Variants in COL11A1 observed in about 807,000 individuals in gnomAD.
The protein encoded by COL11A1 is collagen type XI alpha 1 chain.
A neutral mutation model predicts 265.2 loss-of-function variants in COL11A1; 74 were observed. The ratio of observed to expected loss-of-function variants is 0.28; its 90% CI spans 0.23 to 0.34. COL11A1 has a LOEUF of 0.34. COL11A1 is among the 10% of genes least tolerant of loss of function. The pLI, the probability that COL11A1 is intolerant of heterozygous loss-of-function variation, is 1.00. For synonymous variants in COL11A1, 816 were observed against 727.6 expected (o/e 1.12, Z -1.96); for missense variants, 2,165 against 2,263.6 (o/e 0.96, Z 0.88).
chr1:103,073,248 G>T (rs940272382), intron 4 of COL11A1, among the ~76,000 whole-genome samples: 9 of 151,670 alleles, frequency 5.9e-5, no homozygotes, highest in Non-Finnish European at 1.2e-4. Flanking sequence ...AAAAAGGAAA[G>T]AAATTCCACT....
intron 4 of COL11A1, among the ~76,000 whole-genome samples, chr1:103,042,001 C>T (rs922544749): frequency 1.3e-5 from 2 of 151,922 alleles, no homozygotes; most frequent in East Asian, 3.9e-4. Flanking sequence ...TGTATTATAA[C>T]AAGTTAATAG....
intron 41 of COL11A1, among the ~76,000 whole-genome samples, chr1:102,949,475 T>C (rs1659661489): frequency 6.6e-6 from 1 of 152,132 alleles, no homozygotes; most frequent in African/African-American, 2.4e-5. Flanking sequence ...TAGGAAGATA[T>C]CACACTAGGC....
intron 57 of COL11A1, among the ~76,000 whole-genome samples, chr1:102,891,500 A>G (rs1651775740): frequency 6.6e-6 from 1 of 151,990 alleles, no homozygotes; most frequent in Non-Finnish European, 1.5e-5. Flanking sequence ...GCATGACTTT[A>G]GCAACCAACT....
intron 21 of COL11A1, among the ~76,000 whole-genome samples, 165 bp downstream of exon 21, chr1:103,003,050 A>G (rs1665270600): frequency 6.6e-6 from 1 of 152,152 alleles, no homozygotes; most frequent in Admixed American, 6.6e-5. Context: ...AGGAAGATAG[A>G]AGAAAAGGAG....
At chr1:102,918,237 T>C (rs1031856029) in intron 49 of COL11A1, among the ~76,000 whole-genome samples, 18 of 151,778 alleles carry the variant, frequency 1.2e-4, no homozygotes, top group African/African-American at 4.1e-4. Flanking sequence ...CTTGTTTAGG[T>C]ACATATTTTT....
chr1:102,969,335 T>C (rs1393112870), intron 37 of COL11A1, among the ~76,000 whole-genome samples: 2 of 152,302 alleles, frequency 1.3e-5, no homozygotes, highest in South Asian at 4.1e-4. Flanking sequence ...AACTCCAATA[T>C]GTATTCAGGG....
At chr1:103,107,310 C>T (rs373880288) in intron 1 of COL11A1, among the ~76,000 whole-genome samples, 2 of 151,934 alleles carry the variant, frequency 1.3e-5, no homozygotes, top group East Asian at 3.9e-4. Context: ...AGTCCTCCGC[C>T]CCCACCCCAT....
chr1:103,083,175 T>C (rs1419992310), intron 1 of COL11A1, among the ~76,000 whole-genome samples: 1 of 151,826 alleles, frequency 6.6e-6, no homozygotes, highest in East Asian at 1.9e-4. Context: ...AAATTCAAAA[T>C]ATCTCAAATC....
rs541028215 is a variant in COL11A1 at position 103,019,171 on chromosome 1, T to C, written c.1309-312A>G. 4.1e-4 allele frequency among the ~76,000 whole-genome samples: 63 copies of C among 152,298 alleles called. 1 individual carries two copies. Among genetic ancestry groups the C allele is most frequent in the African/African-American group, 1.4e-3 (59 of 41,580 alleles). On this transcript the variant is annotated intron_variant, in intron 9 of 66. Transcript: ENST00000370096. ...CAGACAAAACAATCTACCAAGGTTT[T>C]TTATTTTTTGTTTTTCGTTTGTTTG...
In COL11A1 at chr1:103,065,498, C is replaced by G. The variant is rs114177988; in HGVS notation, c.651+9120G>C. On this transcript the variant is annotated intron_variant, in intron 4 of 66. Transcript: ENST00000370096. ...TCGCGCCACTACACTCCAGCCTGGG[C>G]GACAGAAGAGCGAGACTCCGTCTCA... 8.3e-3 allele frequency among the ~76,000 whole-genome samples: 920 copies of G among 110,434 alleles called. 13 individuals are homozygous for G. The highest frequency in any genetic ancestry group is 0.03 in the African/African-American group (875 of 29,176). 72.4% of individuals were successfully genotyped at this position (110,434 alleles called of 152,430 possible). A position where few individuals can be genotyped will look rare whatever the true frequency, so the allele number is the denominator to read the frequency against.
intron 4 of COL11A1, among the ~76,000 whole-genome samples, chr1:103,057,723 T>C (rs1423581561): frequency 6.6e-6 from 1 of 152,196 alleles, no homozygotes; most frequent in East Asian, 1.9e-4. Flanking sequence ...CAATGAGCAG[T>C]AATATTTTGA....
intron 54 of COL11A1, among the ~76,000 whole-genome samples, chr1:102,911,846 G>T (rs550325307): frequency 1.3e-5 from 2 of 152,224 alleles, no homozygotes; most frequent in South Asian, 4.1e-4. Flanking sequence ...TATTACAATA[G>T]GAGTTAATGT....
chr1:103,007,885 A>AG (rs2101865592), intron 15 of COL11A1, among the ~76,000 whole-genome samples: 1 of 151,720 alleles, frequency 6.6e-6, no homozygotes, highest in African/African-American at 2.4e-5. Context: ...AAAAAAAAAA[A>AG]AGATTGTCTA....
chr1:103,039,219 T>C (rs1295751326), intron 4 of COL11A1, among the ~76,000 whole-genome samples: 1 of 152,174 alleles, frequency 6.6e-6, no homozygotes, highest in Admixed American at 6.5e-5. Flanking sequence ...GTTTCAAGAA[T>C]CAATAATAAT....
At chr1:102,878,633 C>T (rs1292769058) in intron 66 of COL11A1, among the ~76,000 whole-genome samples, 4 of 150,490 alleles carry the variant, frequency 2.7e-5, no homozygotes, top group Admixed American at 1.3e-4. Context: ...GCCTCAGTCT[C>T]CTGAGTAGCT....
In COL11A1 at chr1:102,997,143, T is replaced by TA. The variant is rs1400741376; in HGVS notation, c.2197-20dup. 2 of 1,595,872 alleles carry TA rather than the reference T, an allele frequency of 1.3e-6. No homozygotes were observed. The highest frequency in any genetic ancestry group is 1.7e-6 in the Non-Finnish European group (2 of 1,163,848). On this transcript the variant is annotated intron_variant, in intron 25 of 66. Coordinates refer to ENST00000370096, the MANE Select transcript of COL11A1 (RefSeq NM_001854.4). ...GATGACCCTATATTTAGCAAAAACA[T>TA]ACACTGATAAGATGTAATATAAACA...
intron 49 of COL11A1, 115 bp downstream of exon 49, chr1:102,920,196 A>G (rs1166902068): frequency 8.3e-6 from 8 of 962,260 alleles, no homozygotes; most frequent in South Asian, 6.5e-5. Context: ...TGTGAATCAT[A>G]TAACTATGTA....
At chr1:103,004,992 T>C (rs539443568) in intron 18 of COL11A1, among the ~76,000 whole-genome samples, 1 of 152,182 alleles carries the variant, frequency 6.6e-6, no homozygotes, top group East Asian at 1.9e-4. Context: ...CTGATGATTG[T>C]ATTAAATATG....
At chr1:102,941,341 T>G (rs529415471) in intron 42 of COL11A1, among the ~76,000 whole-genome samples, 1 of 152,304 alleles carries the variant, frequency 6.6e-6, no homozygotes, top group Non-Finnish European at 1.5e-5. Flanking sequence ...CCATACGTAT[T>G]CTTACTTCCT....
Sources: allele counts gnomAD v4.1 joint callset (sites outside exome capture counted in the v4.1 genomes callset), GRCh38; gene constraint gnomAD v4.1.1; transcripts MANE v1.5; gene names NCBI Gene and HGNC (gene_info 2026-07-23, HGNC 2026-07-21).